The following ERP44 variants were observed in gnomAD, a reference collection of about 807,000 sequenced individuals.
The protein encoded by ERP44 is endoplasmic reticulum resident protein 44.
Under a neutral mutation model 53.4 loss-of-function variants are expected in ERP44, and 25 were observed. The observed-to-expected ratio is 0.47, with a 90% confidence interval of 0.34 to 0.65. The LOEUF is 0.65. ERP44 is among the 30% of genes least tolerant of loss of function. ERP44 has a pLI of 0.01. For missense variants in ERP44, 338 were observed against 493.2 expected (o/e 0.69, Z 2.98); for synonymous variants, 145 against 161.2 (o/e 0.90, Z 0.76).
chr9:100,042,909 G>A (rs960334641), intron 4 of ERP44, among the ~76,000 whole-genome samples: 9 of 152,074 alleles, frequency 5.9e-5, no homozygotes, highest in Non-Finnish European at 1.2e-4. Flanking sequence ...ACCAAAGGGT[G>A]GAAAGGGTAG....
intron 7 of ERP44, 63 bp from the exon 8 acceptor site, chr9:100,016,501 T>C: frequency 6.7e-7 from 1 of 1,485,456 alleles, no homozygotes; most frequent in Non-Finnish European, 8.9e-7. Context: ...TATTCTTATT[T>C]TTTTTCTTTA....
chr9:100,085,775 T>G (rs1826472656), intron 1 of ERP44, among the ~76,000 whole-genome samples: 1 of 152,196 alleles, frequency 6.6e-6, no homozygotes, highest in Non-Finnish European at 1.5e-5. Flanking sequence ...GGCGCATGCC[T>G]GTAATCTCAG....
intron 1 of ERP44, among the ~76,000 whole-genome samples, chr9:100,070,780 G>T (rs1826292849): frequency 6.6e-6 from 1 of 152,160 alleles, no homozygotes; most frequent in African/African-American, 2.4e-5. Context: ...GACACCATGA[G>T]GATGCAAGCT....
intron 10 of ERP44, among the ~76,000 whole-genome samples, chr9:99,988,651 G>A (rs564091323): frequency 6.6e-6 from 1 of 152,318 alleles, no homozygotes; most frequent in African/African-American, 2.4e-5. Context: ...TTCAAACTGA[G>A]GTACCTGGTT....
At chr9:99,987,343 A>C (rs1025336567) in intron 10 of ERP44, among the ~76,000 whole-genome samples, 2 of 152,244 alleles carry the variant, frequency 1.3e-5, no homozygotes, top group Non-Finnish European at 2.9e-5. Context: ...CCCTTGCCAT[A>C]ATAAATAAAA....
chr9:100,036,187 A>G (rs969957957), intron 4 of ERP44, among the ~76,000 whole-genome samples: 6 of 152,256 alleles, frequency 3.9e-5, no homozygotes, highest in African/African-American at 1.2e-4. Context: ...AATGTGGTAC[A>G]TATACACAAC....
chr9:100,001,527 CA>C (rs754393357), intron 10 of ERP44, among the ~76,000 whole-genome samples: 1 of 152,096 alleles, frequency 6.6e-6, no homozygotes, highest in African/African-American at 2.4e-5. Flanking sequence ...ATGTTGCATG[CA>C]GATATATTTG....
At chr9:100,096,381 C>T (rs1036193872) in intron 1 of ERP44, among the ~76,000 whole-genome samples, 2 of 151,460 alleles carry the variant, frequency 1.3e-5, no homozygotes, top group Non-Finnish European at 2.9e-5. Context: ...AAATAAAAAT[C>T]TATATAGACG....
intron 11 of ERP44, 102 bp downstream of exon 11, chr9:99,984,865 G>A: frequency 1.6e-6 from 1 of 629,682 alleles, no homozygotes; most frequent in Non-Finnish European, 2.8e-6. Context: ...CAAATATTCA[G>A]AAGCTGAAGC....
chr9:100,075,127 G>A (rs560293174), intron 1 of ERP44, among the ~76,000 whole-genome samples: 64 of 152,340 alleles, frequency 4.2e-4, no homozygotes, highest in African/African-American at 1.4e-3. Flanking sequence ...AGACGCAAGG[G>A]TGGTGATTCC....
intron 1 of ERP44, among the ~76,000 whole-genome samples, chr9:100,067,532 G>A (rs1240152812): frequency 2.0e-5 from 3 of 152,128 alleles, no homozygotes; most frequent in South Asian, 2.1e-4. Flanking sequence ...GCGTGATCTC[G>A]GCTCGCCACA....
At chr9:100,098,744 T>C (rs376159879) in intron 1 of ERP44, 40 bp downstream of exon 1, 134 of 1,570,318 alleles carry the variant, frequency 8.5e-5, no homozygotes, top group Middle Eastern at 3.4e-4. Context: ...CCGGAGGCCG[T>C]TCGTGCGTTT....
At chr9:99,990,113 G>A (rs1175105511) in intron 10 of ERP44, among the ~76,000 whole-genome samples, 3 of 152,182 alleles carry the variant, frequency 2.0e-5, no homozygotes, top group Non-Finnish European at 4.4e-5. Flanking sequence ...TTATCCAGGA[G>A]AACTTCCCAA....
chr9:100,011,519 A>AAAATGGTTT (rs1298131323), intron 8 of ERP44, among the ~76,000 whole-genome samples: 1 of 152,188 alleles, frequency 6.6e-6, no homozygotes, highest in Non-Finnish European at 1.5e-5. Flanking sequence ...CTTACAATGA[A>AAAATGGTTT]AAATGGTTTG....
chr9:100,008,617 C>T (rs1830442126), intron 8 of ERP44, among the ~76,000 whole-genome samples: 1 of 152,162 alleles, frequency 6.6e-6, no homozygotes, highest in African/African-American at 2.4e-5. Flanking sequence ...AAAAAACAAA[C>T]TGGGACCTAT....
chr9:100,020,768 CAT>C (rs761998029), intron 5 of ERP44, 37 bp from the exon 6 acceptor site: 5 of 1,054,700 alleles, frequency 4.7e-6, no homozygotes, highest in African/African-American at 4.7e-5. Context: ...TGCAAACATA[CAT>C]AGTTTTATAA....
At chr9:100,082,488 C>T (rs1195718596) in intron 1 of ERP44, among the ~76,000 whole-genome samples, 1 of 151,900 alleles carries the variant, frequency 6.6e-6, no homozygotes, top group Non-Finnish European at 1.5e-5. Flanking sequence ...AGAGAAAAGA[C>T]AGGCACTTCA....
chr9:100,052,415 A>C lies in ERP44; in HGVS notation c.286+2T>G. 1 of 1,572,098 alleles carries C rather than the reference A, an allele frequency of 6.4e-7. No homozygotes were observed. Among genetic ancestry groups the C allele is most frequent in the South Asian group, 1.1e-5 (1 of 88,998 alleles). On this transcript the variant is annotated splice_donor_variant, in intron 4 of 11. Transcript: ENST00000262455. LOFTEE classifies it high-confidence loss of function. ...TTCTAGACTTCCTATTGAGGTACTT[A>C]CAGTGCTGATCACAATCAACTCTGG...
chr9:100,010,564 G>GT lies in ERP44; in HGVS notation c.763-2876dup, dbSNP rs553492869. Among the ~76,000 whole-genome samples the GT allele has an allele frequency of 6.5e-3, 990 of 152,168 alleles. 12 individuals carry two copies. The highest frequency in any genetic ancestry group is 0.011 in the Non-Finnish European group (780 of 67,982). On this transcript the variant is annotated intron_variant, in intron 8 of 11. Coordinates refer to ENST00000262455, the MANE Select transcript of ERP44 (RefSeq NM_015051.3). ...GTGAATGCAAATTTTTTTAAAAATT[G>GT]TAAGTAATCCAACTAAACATACCTG...
Sources: allele counts gnomAD v4.1 joint callset (sites outside exome capture counted in the v4.1 genomes callset), GRCh38; gene constraint gnomAD v4.1.1; transcripts MANE v1.5; gene names NCBI Gene and HGNC (gene_info 2026-07-23, HGNC 2026-07-21).